Variants in DLGAP1 observed in about 807,000 individuals in gnomAD.
DLGAP1 encodes disks large-associated protein 1.
Under a neutral mutation model 90.8 loss-of-function variants are expected in DLGAP1, and 11 were observed. That is an observed-to-expected ratio of 0.12 (90% CI 0.08 to 0.20). The LOEUF (loss-of-function observed/expected upper bound fraction) is 0.20, where lower values mean the gene tolerates loss of function less well. Among genes scored for constraint, DLGAP1 ranks in the 10% least tolerant of loss-of-function variants. The pLI, the probability that DLGAP1 is intolerant of heterozygous loss-of-function variation, is 1.00. For synonymous variants in DLGAP1, 558 were observed against 540.7 expected (o/e 1.03, Z -0.44); for missense variants, 1,050 against 1,333.8 (o/e 0.79, Z 3.31).
intron 1 of DLGAP1, among the ~76,000 whole-genome samples, chr18:4,403,758 CTTTTT>C (rs1211551816): frequency 6.7e-6 from 1 of 148,606 alleles, no homozygotes; most frequent in Non-Finnish European, 1.5e-5. Flanking sequence ...TCCTTTCTTT[CTTTTT>C]ATTATGTTTT....
chr18:3,509,672 T>G (rs915004467), intron 10 of DLGAP1, among the ~76,000 whole-genome samples: 2 of 152,154 alleles, frequency 1.3e-5, no homozygotes, highest in Non-Finnish European at 2.9e-5. Context: ...GCAATCCTGT[T>G]GTTCTGAATT....
chr18:3,642,118 A>G (rs758912641), intron 7 of DLGAP1, among the ~76,000 whole-genome samples: 2 of 151,376 alleles, frequency 1.3e-5, no homozygotes, highest in Non-Finnish European at 1.5e-5. Context: ...ATCCACAAAC[A>G]CTCCTCCGCT....
chr18:3,694,511 G>A (rs1054099363), intron 7 of DLGAP1, among the ~76,000 whole-genome samples: 1 of 152,186 alleles, frequency 6.6e-6, no homozygotes, highest in Non-Finnish European at 1.5e-5. Context: ...CAGGGTAAAA[G>A]CATTCCTATT....
At chr18:4,052,249 A>C (rs1243343561) in intron 2 of DLGAP1, among the ~76,000 whole-genome samples, 5 of 152,200 alleles carry the variant, frequency 3.3e-5, no homozygotes. Flanking sequence ...ACATTGCCCT[A>C]GCAAAGATTC....
At chr18:3,618,084 C>T (rs532622498) in intron 7 of DLGAP1, among the ~76,000 whole-genome samples, 1 of 152,128 alleles carries the variant, frequency 6.6e-6, no homozygotes, top group Non-Finnish European at 1.5e-5. Flanking sequence ...CAATGTGTGC[C>T]TGTATTTAAA....
rs149030961 is a variant in DLGAP1 at position 4,316,246 on chromosome 18, T to A, written c.-267+138760A>T. 2.5e-3 allele frequency among the ~76,000 whole-genome samples: 375 copies of A among 152,218 alleles called. 1 individual carries two copies. The highest frequency in any genetic ancestry group is 8.2e-3 in the African/African-American group (340 of 41,540). On this transcript the variant is annotated intron_variant, in intron 1 of 12. Transcript: ENST00000315677. ...GTGTGTTACATGGCATCGTGTAGGCTGAAAGTAATAATGACAGTAACCGCC... is the reference window on the plus strand; with the variant it reads ...GTGTGTTACATGGCATCGTGTAGGCAGAAAGTAATAATGACAGTAACCGCC...
intron 2 of DLGAP1, among the ~76,000 whole-genome samples, chr18:4,107,420 C>T (rs1356366418): frequency 6.6e-6 from 1 of 152,228 alleles, no homozygotes; most frequent in African/African-American, 2.4e-5. Context: ...CTAGCTACGT[C>T]TGGCTCCCCT....
At chr18:3,844,730 T>C (rs550926355) in intron 4 of DLGAP1, among the ~76,000 whole-genome samples, 11 of 152,212 alleles carry the variant, frequency 7.2e-5, no homozygotes, top group Non-Finnish European at 1.5e-4. Context: ...GTGGAATAAT[T>C]TTAGCAATTG....
At chr18:3,632,491 CG>C (rs1485027684) in intron 7 of DLGAP1, among the ~76,000 whole-genome samples, 2 of 151,946 alleles carry the variant, frequency 1.3e-5, no homozygotes, top group African/African-American at 2.4e-5. Flanking sequence ...TTCGCAGAGA[CG>C]GGGTTTCACC....
intron 2 of DLGAP1, among the ~76,000 whole-genome samples, chr18:4,018,481 C>T (rs940400314): frequency 6.6e-6 from 1 of 152,228 alleles, no homozygotes; most frequent in Non-Finnish European, 1.5e-5. Flanking sequence ...CAGCAGCTGG[C>T]AGAACGAGTA....
chr18:4,391,383 A>G (rs2082337054), intron 1 of DLGAP1, among the ~76,000 whole-genome samples: 1 of 152,074 alleles, frequency 6.6e-6, no homozygotes, highest in Non-Finnish European at 1.5e-5. Context: ...GGGGTTTCTT[A>G]ATTTCTAGCA....
At chr18:4,136,228 T>C (rs2076399066) in intron 2 of DLGAP1, among the ~76,000 whole-genome samples, 1 of 152,154 alleles carries the variant, frequency 6.6e-6, no homozygotes, top group Non-Finnish European at 1.5e-5. Flanking sequence ...AACTCTTCAA[T>C]ATACTGATTT....
At chr18:4,203,291 T>C (rs2077647634) in intron 1 of DLGAP1, among the ~76,000 whole-genome samples, 1 of 151,718 alleles carries the variant, frequency 6.6e-6, no homozygotes, top group East Asian at 1.9e-4. Context: ...AAGATACTCT[T>C]ATAAAAGTGT....
intron 5 of DLGAP1, among the ~76,000 whole-genome samples, chr18:3,772,264 C>T (rs1193387126): frequency 1.4e-5 from 2 of 142,972 alleles, no homozygotes; most frequent in African/African-American, 2.6e-5. Flanking sequence ...CTTTCTTTCT[C>T]TCTTTCCTTC....
chr18:4,116,817 G>A (rs1436102862), intron 2 of DLGAP1, among the ~76,000 whole-genome samples: 1 of 152,158 alleles, frequency 6.6e-6, no homozygotes, highest in East Asian at 1.9e-4. Flanking sequence ...TAAAATGTGT[G>A]ATGTCATTGT....
chr18:4,028,491 C>G (rs2074740316), intron 2 of DLGAP1, among the ~76,000 whole-genome samples: 1 of 152,140 alleles, frequency 6.6e-6, no homozygotes, highest in Non-Finnish European at 1.5e-5. Flanking sequence ...AATGATCAAA[C>G]TAAACAGAAA....
At chr18:4,089,316 T>C (rs1044131466) in intron 2 of DLGAP1, among the ~76,000 whole-genome samples, 3 of 152,160 alleles carry the variant, frequency 2.0e-5, no homozygotes, top group Admixed American at 6.5e-5. Context: ...CAGAAACAAA[T>C]GGAAAAACAT....
intron 1 of DLGAP1, among the ~76,000 whole-genome samples, chr18:4,407,010 T>C (rs1387585732): frequency 6.6e-6 from 1 of 152,182 alleles, no homozygotes; most frequent in Non-Finnish European, 1.5e-5. Flanking sequence ...CCTTTTAAAA[T>C]TGCACTCTCC....
intron 1 of DLGAP1, among the ~76,000 whole-genome samples, chr18:4,164,487 C>T (rs1474040944): frequency 1.3e-5 from 2 of 152,098 alleles, no homozygotes; most frequent in Non-Finnish European, 2.9e-5. Context: ...TGAGACCAGC[C>T]TGGCCAACAT....
Sources: allele counts gnomAD v4.1 joint callset (sites outside exome capture counted in the v4.1 genomes callset), GRCh38; gene constraint gnomAD v4.1.1; transcripts MANE v1.5; gene names NCBI Gene and HGNC (gene_info 2026-07-23, HGNC 2026-07-21).